Variants in MRPL46 observed in about 807,000 individuals in gnomAD.
MRPL46 encodes mitochondrial ribosomal protein L46.
Under a neutral mutation model 31.0 loss-of-function variants are expected in MRPL46, and 26 were observed. That is an observed-to-expected ratio of 0.84 (90% confidence interval 0.61 to 1.16). MRPL46 has a LOEUF of 1.16. Among genes scored for constraint, MRPL46 ranks in the 50% most tolerant of loss-of-function variants. The pLI is 0.00. For missense variants in MRPL46, 395 were observed against 340.0 expected, an observed-to-expected ratio of 1.16 and a Z score of -1.27; for synonymous variants, 159 against 141.3, an observed-to-expected ratio of 1.13 and a Z score of -0.89.
chr15:88,461,066 C>T (rs765448323), intron 3 of MRPL46: 1 of 152,166 alleles, frequency 6.6e-6, no homozygotes, highest in African/African-American at 2.4e-5. Context: ...ATGCAGGATG[C>T]TTTCTTAAAC....
chr15:88,464,803 C>A lies in MRPL46; in HGVS notation c.489G>T (p.Glu163Asp), dbSNP rs780795140. The change falls in exon 3 of 4, where the codon GAG (glutamate) becomes GAT (aspartate). Residue 163 changes from glutamate (E) to aspartate (D), a missense_variant. Coordinates refer to ENST00000312475, the MANE Select transcript of MRPL46 (RefSeq NM_022163.4). ...LDRNLVLLVREKFGDQDVWIL... is the reference protein window; with the variant it reads ...LDRNLVLLVRDKFGDQDVWIL... ...TCCAAACATCCTGGTCTCCAAACTTCTCTCTGACTAACAGGACAAGGTTCC... is the reference window on the plus strand; with the variant it reads ...TCCAAACATCCTGGTCTCCAAACTTATCTCTGACTAACAGGACAAGGTTCC... 2 of 1,614,216 alleles carry A rather than the reference C, an allele frequency of 1.2e-6. No homozygotes were observed. The highest frequency in any genetic ancestry group is 1.7e-6 in the Non-Finnish European group (2 of 1,180,042).
chr15:88,465,568 G>A lies in MRPL46; in HGVS notation c.415+19C>T. Reference sequence around the variant, plus strand: ...TACCCCTTTTCCCTTCCTTCTGGCTGGCCTAAAAGGATCACAACCTGTTAT... The same window carrying A: ...TACCCCTTTTCCCTTCCTTCTGGCTAGCCTAAAAGGATCACAACCTGTTAT... On this transcript the variant is annotated intron_variant, in intron 2 of 3. Transcript: ENST00000312475. 2 of 1,554,304 alleles carry A rather than the reference G, an allele frequency of 1.3e-6. No individual in the cohort carries two copies. Among genetic ancestry groups the A allele is most frequent in the Admixed American group, 2.1e-5 (1 of 48,662 alleles).
At position 88,467,264 on chromosome 15, in the gene MRPL46, G is replaced by C; in HGVS notation, c.114C>G (p.Pro38=). Residue 38 remains proline (P), a synonymous_variant, in exon 1 of 4, where the codon CCC becomes CCG. Transcript: ENST00000312475. ...SSRSLALAAA[P]SSNGSPWRLL... ...AGCGCCATGGGGATCCGTTGCTTGAGGGTGCGGCTGCAAGAGCCAGGCTGC... is the reference window on the plus strand; with the variant it reads ...AGCGCCATGGGGATCCGTTGCTTGACGGTGCGGCTGCAAGAGCCAGGCTGC... 1 of 1,614,008 alleles carries C rather than the reference G, an allele frequency of 6.2e-7. No individual in the cohort carries two copies. Among genetic ancestry groups the C allele is most frequent in the Non-Finnish European group, 8.5e-7 (1 of 1,179,974 alleles).
rs569308813 is a variant in MRPL46 at position 88,464,540 on chromosome 15, A to T, written c.589+163T>A. On this transcript the variant is annotated intron_variant, in intron 3 of 3. Coordinates refer to ENST00000312475, the MANE Select transcript of MRPL46 (RefSeq NM_022163.4). ...AAATAAAAATAAAAAAAAAATAAAA[A>T]AAATCCTTACCTGGGTTTTTCTGGC... 3.8e-4 allele frequency: 273 copies of T among 712,574 alleles called. 1 individual carries two copies. Among genetic ancestry groups the T allele is most frequent in the Middle Eastern group, 8.4e-4 (2 of 2,386 alleles). The allele number at this position is 712,574 out of a possible 1,614,324, so 44.1% of individuals were successfully genotyped here. A position where few individuals can be genotyped will look rare whatever the true frequency, so the allele number is the denominator to read the frequency against.
intron 2 of MRPL46, 105 bp from the exon 3 acceptor site, chr15:88,464,981 A>C (rs2055510397): frequency 1.5e-6 from 2 of 1,346,728 alleles, no homozygotes; most frequent in Admixed American, 4.8e-5. Flanking sequence ...CTTGCCCTCA[A>C]AGAGCTTAGA....
intron 3 of MRPL46, chr15:88,462,615 T>C (rs1206357460): frequency 6.6e-6 from 1 of 152,202 alleles, no homozygotes; most frequent in Non-Finnish European, 1.5e-5. Flanking sequence ...AAACGTCAAT[T>C]GTTATATACA....
At chr15:88,460,078 TC>T in intron 3 of MRPL46, 1 of 583,964 alleles carries the variant, frequency 1.7e-6, no homozygotes, top group Non-Finnish European at 3.0e-6. Flanking sequence ...CCAGGCTCAC[TC>T]CCATGTGCCA....
chr15:88,465,767 T>C lies in MRPL46; in HGVS notation c.235A>G (p.Ile79Val), dbSNP rs745960252. The C allele has an allele frequency of 3.2e-6, 5 of 1,573,540 alleles. No individual in the cohort carries two copies. The African/African-American group carries it at 5.5e-5, about 17-fold the overall frequency. ...TGGTCTGAATACAGGCTTCTCTCTA[T>C]CTCAATCTGGGAAAATTCAAAGGGC... ...EMASLLQQIEIERSLYSDHEL... is the reference protein window; with the variant it reads ...EMASLLQQIEVERSLYSDHEL... The change falls in exon 2 of 4, where the codon ATA (isoleucine) becomes GTA (valine). Residue 79 changes from isoleucine to valine, a missense_variant. Transcript: ENST00000312475.
In MRPL46 at chr15:88,459,533, A is replaced by G; in HGVS notation, c.*80T>C. On this transcript the variant is annotated 3_prime_UTR_variant, in exon 4 of 4. Coordinates refer to ENST00000312475, the MANE Select transcript of MRPL46 (RefSeq NM_022163.4). ...TAGTTTGCTGCTTGATATTACCTGC[A>G]AATGTGAGGCAATCACACAATGTCC... The G allele has an allele frequency of 6.4e-7, 1 of 1,572,200 alleles. No individual in the cohort carries two copies. The highest frequency in any genetic ancestry group is 8.7e-7 in the Non-Finnish European group (1 of 1,153,698).
chr15:88,465,741 G>T lies in MRPL46; in HGVS notation c.261C>A (p.His87Gln), dbSNP rs769108659. 1.7e-5 allele frequency: 27 copies of T among 1,612,598 alleles called. No homozygotes were observed. Among genetic ancestry groups the T allele is most frequent in the Non-Finnish European group, 2.2e-5 (26 of 1,179,678 alleles). ...IEIERSLYSD[H>Q]ELRALDENQR... Reference sequence around the variant, plus strand: ...GGTTTTCATCCAGAGCACGAAGCTCGTGGTCTGAATACAGGCTTCTCTCTA... The same window carrying T: ...GGTTTTCATCCAGAGCACGAAGCTCTTGGTCTGAATACAGGCTTCTCTCTA... The change falls in exon 2 of 4, where the codon CAC (histidine) becomes CAA (glutamine). Residue 87 changes from histidine to glutamine, a missense_variant. By Grantham distance (24) the His-to-Gln change is conservative. Transcript: ENST00000312475.
chr15:88,464,811 C>A lies in MRPL46; in HGVS notation c.481G>T (p.Val161Phe). The A allele has an allele frequency of 6.2e-7, 1 of 1,614,206 alleles. No homozygotes were observed. Among genetic ancestry groups the A allele is most frequent in the Non-Finnish European group, 8.5e-7 (1 of 1,180,032 alleles). Reference protein sequence around the residue: ...RKLDRNLVLLVREKFGDQDVW... With the variant: ...RKLDRNLVLLFREKFGDQDVW... ...TCCTGGTCTCCAAACTTCTCTCTGA[C>A]TAACAGGACAAGGTTCCTGTCTAGC... is the stretch of plus-strand genomic sequence containing the variant. The change falls in exon 3 of 4, where the codon GTC (valine) becomes TTC (phenylalanine). Residue 161 changes from valine (V) to phenylalanine (F), a missense_variant. Val to Phe is a conservative substitution (Grantham distance 50). Transcript: ENST00000312475.
chr15:88,460,139 G>A (rs2055464189), intron 3 of MRPL46: 2 of 420,012 alleles, frequency 4.8e-6, no homozygotes, highest in African/African-American at 2.1e-5. Flanking sequence ...AATCACACCT[G>A]GGAGTCAGAG....
At chr15:88,462,066 T>G (rs1264456226) in intron 3 of MRPL46, 1 of 152,188 alleles carries the variant, frequency 6.6e-6, no homozygotes, top group African/African-American at 2.4e-5. Context: ...TAATAGAGGT[T>G]GCTTCTGAAA....
rs1222486282 is a variant in MRPL46, at chr15:88,464,769, G to A, written c.523C>T (p.Gln175Ter). The change falls in exon 3 of 4, where the codon CAG becomes TAG. Residue 175 changes from glutamine to a stop codon, truncating the protein, a stop_gained. Coordinates refer to ENST00000312475, the MANE Select transcript of MRPL46 (RefSeq NM_022163.4). LOFTEE classifies it high-confidence loss of function. ...FGDQDVWILP[Q>*]AEWQPGETLR... ...GTCTCCCCAGGCTGCCACTCTGCCT[G>A]GGGCAGTATCCAAACATCCTGGTCT... 1.9e-6 allele frequency: 3 copies of A among 1,614,016 alleles called. No homozygotes were observed. The highest frequency in any genetic ancestry group is 2.5e-6 in the Non-Finnish European group (3 of 1,180,032).
chr15:88,464,613 C>A, intron 3 of MRPL46, 90 bp downstream of exon 3: 5 of 1,144,752 alleles, frequency 4.4e-6, no homozygotes, highest in East Asian at 3.3e-5. Flanking sequence ...CCCACCCCCA[C>A]CCTTAATCCA....
chr15:88,462,348 G>A (rs1598283702), intron 3 of MRPL46: 1 of 152,214 alleles, frequency 6.6e-6, no homozygotes, highest in South Asian at 2.1e-4. Context: ...GGAAAAGATG[G>A]ATTAAAAATA....
chr15:88,459,589 A>G lies in MRPL46; in HGVS notation c.*24T>C. Reference sequence around the variant, plus strand: ...GCTCTAATCCCAGACTTGTCTGAGCACCGTCCACAGGCAGCTCGGCCCATC... The same window carrying G: ...GCTCTAATCCCAGACTTGTCTGAGCGCCGTCCACAGGCAGCTCGGCCCATC... On this transcript the variant is annotated 3_prime_UTR_variant, in exon 4 of 4. Transcript: ENST00000312475. The G allele has an allele frequency of 1.2e-6, 2 of 1,612,998 alleles. No homozygotes were observed. Among genetic ancestry groups the G allele is most frequent in the South Asian group, 1.1e-5 (1 of 91,028 alleles).
intron 3 of MRPL46, 139 bp from the exon 4 acceptor site, chr15:88,460,002 C>T: frequency 1.8e-6 from 2 of 1,091,002 alleles, no homozygotes; most frequent in African/African-American, 1.6e-5. Flanking sequence ...GGACTAGAGC[C>T]ATTCCTGAAA....
At position 88,459,742 on chromosome 15, in the gene MRPL46, C is replaced by T. The variant is rs1393227738; in HGVS notation, c.711G>A (p.Leu237=). 1.2e-6 allele frequency: 2 copies of T among 1,614,204 alleles called. No homozygotes were observed. The highest frequency in any genetic ancestry group is 1.7e-6 in the Non-Finnish European group (2 of 1,180,052). Reference sequence around the variant, plus strand: ...CCTGGGAAAAGTCTCCAGTTAATAGCAGTGCTTTGAAGAAGAACACCTTGG... The same window carrying T: ...CCTGGGAAAAGTCTCCAGTTAATAGTAGTGCTTTGAAGAAGAACACCTTGG... ...LGAKVFFFKA[L]LLTGDFSQAG... Residue 237 remains leucine (L), a synonymous_variant, in exon 4 of 4, where the codon CTG becomes CTA. Coordinates refer to ENST00000312475, the MANE Select transcript of MRPL46 (RefSeq NM_022163.4).
Sources: gnomAD v4.1 joint callset for allele counts on GRCh38, gnomAD v4.1.1 for gene constraint, MANE v1.5 for transcripts, NCBI Gene and HGNC (gene_info 2026-07-23, HGNC 2026-07-21) for gene names.